Variants in EIF5 observed in about 807,000 individuals in gnomAD.
EIF5 encodes the protein eukaryotic translation initiation factor 5.
EIF5 carries 10 observed loss-of-function variants against 48.3 expected under a neutral mutation model. The ratio of observed to expected loss-of-function variants is 0.21; its 90% CI spans 0.13 to 0.35. The LOEUF is 0.35. Ranked by LOEUF, EIF5 falls within the 10% of genes least tolerant of loss-of-function variation. The pLI is 1.00. For synonymous variants in EIF5, 237 were observed against 173.1 expected (o/e 1.37, Z -2.90); for missense variants, 397 against 533.2 (o/e 0.74, Z 2.51).
At chr14:103,335,183 G>C (rs2089269543) in intron 2 of EIF5, 1 of 152,412 alleles carries the variant, frequency 6.6e-6, no homozygotes, top group African/African-American at 2.4e-5. Context: ...GTGCTGCTTT[G>C]AAGTAAGCCA....
rs548001106 is a variant in EIF5, at chr14:103,338,419, A to ACAC, written c.553_555dup (p.Pro185dup). The ACAC allele has an allele frequency of 0.016, 26,134 of 1,600,516 alleles. 239 individuals are homozygous for ACAC. The highest frequency in any genetic ancestry group is 0.026 in the African/African-American group (1,944 of 74,242). On this transcript the variant is annotated inframe_insertion, in exon 7 of 12. Coordinates refer to ENST00000216554, the MANE Select transcript of EIF5 (RefSeq NM_001969.5). ...AAATGGCTCCGTATCCAGCAGTGAG[A>ACAC]CACCACCACCACCACCACCACCAAA...
At position 103,337,247 on chromosome 14, in the gene EIF5, CTCCTAAGA is replaced by C. The variant is rs764626417; in HGVS notation, c.439+30_439+37del. ...CACCTGGTGAGTCTTCCATGATGAA[CTCCTAAGA>C]TCCTAAGATAAGTTACTAACTGTTG... is the stretch of plus-strand genomic sequence containing the variant. On this transcript the variant is annotated intron_variant, in intron 6 of 11. Coordinates refer to ENST00000216554, the MANE Select transcript of EIF5 (RefSeq NM_001969.5). 12 of 1,568,540 alleles carry C rather than the reference CTCCTAAGA, an allele frequency of 7.7e-6. No individual in the cohort carries two copies. Among genetic ancestry groups the C allele is most frequent in the Middle Eastern group, 1.7e-4 (1 of 5,954 alleles).
In EIF5 at chr14:103,344,054, C is replaced by CTGTG. The variant is rs1447392075; in HGVS notation, c.*3005_*3008dup. On this transcript the variant is annotated 3_prime_UTR_variant, in exon 12 of 12. Transcript: ENST00000216554. Reference sequence around the variant, plus strand: ...CAGTGTTGCACTTTCGTTGCATGTGCTGTGTGACCCCAAGGGGACAGGGAG... The same window carrying CTGTG: ...CAGTGTTGCACTTTCGTTGCATGTGCTGTGTGTGTGACCCCAAGGGGACAGGGAG... 11 of 152,320 alleles carry CTGTG rather than the reference C, an allele frequency of 7.2e-5. No homozygotes were observed. Among genetic ancestry groups the CTGTG allele is most frequent in the African/African-American group, 2.6e-4 (11 of 41,560 alleles). 9.4% of individuals were successfully genotyped at this position (152,320 alleles called of 1,614,324 possible). A position where few individuals can be genotyped will look rare whatever the true frequency, so the allele number is the denominator to read the frequency against.
rs1486541344 is a variant in EIF5 at position 103,341,130 on chromosome 14, G to C, written c.*78G>C. Reference sequence around the variant, plus strand: ...TATCAGCCAGAAGTGCAACATGTATGTGCAAAAGCTAAAATGGCTTAACAT... The same window carrying C: ...TATCAGCCAGAAGTGCAACATGTATCTGCAAAAGCTAAAATGGCTTAACAT... On this transcript the variant is annotated 3_prime_UTR_variant, in exon 12 of 12. Transcript: ENST00000216554. The C allele has an allele frequency of 7.6e-7, 1 of 1,316,818 alleles. No homozygotes were observed. The highest frequency in any genetic ancestry group is 1.1e-6 in the Non-Finnish European group (1 of 914,596). The allele number at this position is 1,316,818 out of a possible 1,614,324, so 81.6% of individuals were successfully genotyped here.
Position 103,337,230 on chromosome 14 carries a change from G to A in EIF5, c.439+3G>A, listed in dbSNP as rs2089297273. ...ATTCATTCTCAAAAACCCACCTGGTGAGTCTTCCATGATGAACTCCTAAGA... is the reference window on the plus strand; with the variant it reads ...ATTCATTCTCAAAAACCCACCTGGTAAGTCTTCCATGATGAACTCCTAAGA... On this transcript the variant is annotated splice_donor_region_variant and intron_variant, in intron 6 of 11. Transcript: ENST00000216554. 6.2e-7 allele frequency: 1 copy of A among 1,606,426 alleles called. No homozygotes were observed. The highest frequency in any genetic ancestry group is 8.5e-7 in the Non-Finnish European group (1 of 1,176,646).
Position 103,343,822 on chromosome 14 carries a change from C to T in EIF5, c.*2770C>T, listed in dbSNP as rs538961340. 1 of 152,044 alleles carries T rather than the reference C, an allele frequency of 6.6e-6. No individual in the cohort carries two copies. The highest frequency in any genetic ancestry group is 6.6e-5 in the Admixed American group (1 of 15,252). 9.4% of individuals were successfully genotyped at this position (152,044 alleles called of 1,614,324 possible). On this transcript the variant is annotated 3_prime_UTR_variant, in exon 12 of 12. Transcript: ENST00000216554. ...CAAGGTCACTTATCTAACAAAATAA[C>T]CCTTCATGTATTTTAAATTTATTTG...
rs1256019002 is a variant in EIF5, at chr14:103,342,141, C to G, written c.*1089C>G. On this transcript the variant is annotated 3_prime_UTR_variant, in exon 12 of 12. Coordinates refer to ENST00000216554, the MANE Select transcript of EIF5 (RefSeq NM_001969.5). ...TCAAACTTGATTTTCTTTCCTTTTT[C>G]TTTTTTTTTTCTTCCAGAATGTCTT... The G allele has an allele frequency of 4.7e-5, 7 of 149,546 alleles. No individual in the cohort carries two copies. The highest frequency in any genetic ancestry group is 2.7e-4 in the Admixed American group (4 of 14,964). The allele number at this position is 149,546 out of a possible 1,614,324, so 9.3% of individuals were successfully genotyped here. A position where few individuals can be genotyped will look rare whatever the true frequency, so the allele number is the denominator to read the frequency against.
At chr14:103,337,735 C>T in intron 6 of EIF5, 2 of 422,086 alleles carry the variant, frequency 4.7e-6, no homozygotes, top group South Asian at 3.7e-5. Flanking sequence ...TCAATTAAGA[C>T]ATTATCTGAG....
At chr14:103,339,075 C>G in intron 8 of EIF5, 97 bp from the exon 9 acceptor site, 2 of 1,499,070 alleles carry the variant, frequency 1.3e-6, no homozygotes, top group Non-Finnish European at 1.8e-6. Context: ...CCAAATTAGG[C>G]AGGAAAAATA....
chr14:103,336,256 A>G (rs2089284450), intron 4 of EIF5, 139 bp downstream of exon 4: 2 of 917,586 alleles, frequency 2.2e-6, no homozygotes, highest in African/African-American at 3.4e-5. Context: ...ATTGGTTGCC[A>G]TGAGTTTACA....
Position 103,336,868 on chromosome 14 carries a change from G to A in EIF5, c.327+19G>A, listed in dbSNP as rs536945594. Reference sequence around the variant, plus strand: ...AGATTTGGTAAGTGCTTTTGTGGTTGTCGAAAGAAAAAGCCATATACCTGC... The same window carrying A: ...AGATTTGGTAAGTGCTTTTGTGGTTATCGAAAGAAAAAGCCATATACCTGC... On this transcript the variant is annotated intron_variant, in intron 5 of 11. Transcript: ENST00000216554. 6 of 1,601,480 alleles carry A rather than the reference G, an allele frequency of 3.7e-6. No individual in the cohort carries two copies. The highest frequency in any genetic ancestry group is 5.1e-6 in the Non-Finnish European group (6 of 1,174,910).
Position 103,341,120 on chromosome 14 carries a change from C to G in EIF5, c.*68C>G. 6.9e-7 allele frequency: 1 copy of G among 1,443,272 alleles called. No homozygotes were observed. The highest frequency in any genetic ancestry group is 1.4e-5 in the African/African-American group (1 of 71,730). 89.4% of individuals were successfully genotyped at this position (1,443,272 alleles called of 1,614,324 possible). A position where few individuals can be genotyped will look rare whatever the true frequency, so the allele number is the denominator to read the frequency against. On this transcript the variant is annotated 3_prime_UTR_variant, in exon 12 of 12. Coordinates refer to ENST00000216554, the MANE Select transcript of EIF5 (RefSeq NM_001969.5). ...TTTCCTCCATTATCAGCCAGAAGTG[C>G]AACATGTATGTGCAAAAGCTAAAAT...
intron 7 of EIF5, 30 bp downstream of exon 7, chr14:103,338,502 A>G: frequency 1.3e-6 from 2 of 1,547,508 alleles, no homozygotes; most frequent in East Asian, 2.4e-5. Context: ...CCTAGTGGGC[A>G]CTAAAGTTGT....
In EIF5 at chr14:103,342,411, T is replaced by G. The variant is rs753326833; in HGVS notation, c.*1359T>G. 14 of 152,202 alleles carry G rather than the reference T, an allele frequency of 9.2e-5. No homozygotes were observed. The highest frequency in any genetic ancestry group is 1.9e-4 in the Non-Finnish European group (13 of 68,036). 9.4% of individuals were successfully genotyped at this position (152,202 alleles called of 1,614,324 possible). A position where few individuals can be genotyped will look rare whatever the true frequency, so the allele number is the denominator to read the frequency against. On this transcript the variant is annotated 3_prime_UTR_variant, in exon 12 of 12. Coordinates refer to ENST00000216554, the MANE Select transcript of EIF5 (RefSeq NM_001969.5). The stretch of plus-strand genomic sequence containing the variant: ...ACTCATATTATGGGTTCTGACTGTT[T>G]GAGTAATCATCTTCAAGGTTAAACC...
In EIF5 at chr14:103,344,803, C is replaced by G. The variant is rs940047180; in HGVS notation, c.*3751C>G. On this transcript the variant is annotated 3_prime_UTR_variant, in exon 12 of 12. Transcript: ENST00000216554. The stretch of plus-strand genomic sequence containing the variant: ...GTATTAAGTTAACATTTTTAAAAAT[C>G]CAAATGAAAGTAAATGGAATAAATG... The G allele has an allele frequency of 5.9e-5, 9 of 152,044 alleles. No individual in the cohort carries two copies. Among genetic ancestry groups the G allele is most frequent in the African/African-American group, 1.9e-4 (8 of 41,388 alleles). The allele number at this position is 152,044 out of a possible 1,614,324, so 9.4% of individuals were successfully genotyped here.
intron 8 of EIF5, 69 bp downstream of exon 8, chr14:103,338,962 C>T (rs1456895360): frequency 5.1e-6 from 8 of 1,556,914 alleles, no homozygotes; most frequent in South Asian, 2.5e-5. Flanking sequence ...ATATATGATA[C>T]TTTAGCAGTG....
At chr14:103,335,983 A>G in intron 3 of EIF5, 51 bp downstream of exon 3, 1 of 1,613,944 alleles carries the variant, frequency 6.2e-7, no homozygotes, top group Non-Finnish European at 8.5e-7. Context: ...TAGAATTTTG[A>G]AGTTTGCATT....
rs1384631550 is a variant in EIF5 at position 103,343,224 on chromosome 14, TC to T, written c.*2173del. On this transcript the variant is annotated 3_prime_UTR_variant, in exon 12 of 12. Coordinates refer to ENST00000216554, the MANE Select transcript of EIF5 (RefSeq NM_001969.5). ...AACAAGTTTTCATTTTATAATGAGA[TC>T]AAAGCATTGGAATCTGCCCTGTTTT... 2.0e-5 allele frequency: 3 copies of T among 152,478 alleles called. No homozygotes were observed. The highest frequency in any genetic ancestry group is 2.9e-5 in the Non-Finnish European group (2 of 68,034). The allele number at this position is 152,478 out of a possible 1,614,324, so 9.4% of individuals were successfully genotyped here.
intron 2 of EIF5, chr14:103,335,237 G>T (rs8021359): frequency 0.53 from 80,722 of 153,580 alleles, 21,921 homozygotes; most frequent in East Asian, 0.69. Context: ...AGTTCCCTAG[G>T]TTGCCCTTAA....
Sources: gnomAD v4.1 joint callset for allele counts on GRCh38, gnomAD v4.1.1 for gene constraint, MANE v1.5 for transcripts, NCBI Gene and HGNC (gene_info 2026-07-23, HGNC 2026-07-21) for gene names.